KIF14: variants seen among roughly 807,000 people sequenced by gnomAD.
The protein encoded by KIF14 is kinesin family member 14, also known as kinesin-like protein KIF14.
A neutral mutation model predicts 176.2 loss-of-function variants in KIF14; 98 were observed. That is an observed-to-expected ratio of 0.56 (90% CI 0.47 to 0.66). The LOEUF (loss-of-function observed/expected upper bound fraction) is 0.66, where lower values mean the gene tolerates loss of function less well. Among genes scored for constraint, KIF14 ranks in the 30% least tolerant of loss-of-function variants. The pLI is 0.00. For missense variants in KIF14, 1,751 were observed against 1,920.4 expected (o/e 0.91, Z 1.65); for synonymous variants, 566 against 632.2 (o/e 0.90, Z 1.57).
chr1:200,612,879 CTCTT>C (rs1660223568), intron 4 of KIF14, among the ~76,000 whole-genome samples: 1 of 128,564 alleles, frequency 7.8e-6, no homozygotes, highest in Non-Finnish European at 1.6e-5. Flanking sequence ...CTAGTTTATT[CTCTT>C]TTTTTTTTTT....
intron 25 of KIF14, among the ~76,000 whole-genome samples, chr1:200,561,384 C>T (rs1404238813): frequency 6.6e-6 from 1 of 151,646 alleles, no homozygotes; most frequent in Non-Finnish European, 1.5e-5. Flanking sequence ...ACTAAAAACA[C>T]AAAAATTAGC....
At chr1:200,617,177 A>G (rs1370068344) in intron 2 of KIF14, among the ~76,000 whole-genome samples, 1 of 152,184 alleles carries the variant, frequency 6.6e-6, no homozygotes, top group African/African-American at 2.4e-5. Flanking sequence ...CATATTGGCC[A>G]GGCTGGTCTC....
At chr1:200,575,959 TA>T (rs1044035152) in intron 21 of KIF14, among the ~76,000 whole-genome samples, 1 of 152,088 alleles carries the variant, frequency 6.6e-6, no homozygotes, top group African/African-American at 2.4e-5. Context: ...ATAATAATAG[TA>T]AAAACATAAA....
rs746249895 is a variant in KIF14, at chr1:200,618,219, T to G, written c.505A>C (p.Asn169His). Residue 169 changes from asparagine (N) to histidine (H), a missense_variant, in exon 2 of 30, where the codon AAT (asparagine) becomes CAT (histidine). Asn to His is a moderately conservative substitution (Grantham distance 68). Coordinates refer to ENST00000367350, the MANE Select transcript of KIF14 (RefSeq NM_014875.3). The stretch of plus-strand genomic sequence containing the variant: ...GAGGCAACAAAAGAGTTTTTAGCAT[T>G]ATTTACAATCCTTACATTTGTTCTA... The part of the protein sequence containing the change: ...ESRTNVRIVN[N>H]AKNSFVASSV... 2.5e-6 allele frequency: 4 copies of G among 1,614,026 alleles called. No individual in the cohort carries two copies.
chr1:200,553,909 A>G, intron 29 of KIF14, 142 bp from the exon 30 acceptor site: 2 of 790,624 alleles, frequency 2.5e-6, no homozygotes, highest in Non-Finnish European at 3.9e-6. Context: ...TAGTCAACTA[A>G]AGTGTTTATT....
At chr1:200,572,909 AC>A (rs1657888294) in intron 22 of KIF14, among the ~76,000 whole-genome samples, 1 of 152,168 alleles carries the variant, frequency 6.6e-6, no homozygotes, top group African/African-American at 2.4e-5. Flanking sequence ...CCAAAGGCCA[AC>A]TCTGTCAAGT....
intron 22 of KIF14, among the ~76,000 whole-genome samples, chr1:200,571,612 A>G (rs1381437493): frequency 6.6e-6 from 1 of 152,210 alleles, no homozygotes; most frequent in East Asian, 1.9e-4. Flanking sequence ...GAAAAATACT[A>G]TTTGTCGAAA....
At position 200,589,219 on chromosome 1, in the gene KIF14, G is replaced by T; in HGVS notation, c.3112C>A (p.Gln1038Lys). ...RLEMETLATK[Q>K]ALEDHSIRHA... is the part of the protein sequence containing the mutation. ...AACTGGTTACACAATAAAATTACCT[G>T]TTTTGTAGCCAATGTTTCCATTTCT... is the stretch of plus-strand genomic sequence containing the variant. The change falls in exon 18 of 30, where the codon CAG (glutamine) becomes AAG (lysine). Residue 1038 changes from glutamine to lysine, a missense_variant and splice_region_variant. Physicochemically the swap from Gln to Lys is moderately conservative, Grantham distance 53. Transcript: ENST00000367350. 2 of 1,597,596 alleles carry T rather than the reference G, an allele frequency of 1.3e-6. No homozygotes were observed. The highest frequency in any genetic ancestry group is 1.7e-6 in the Non-Finnish European group (2 of 1,172,380).
intron 18 of KIF14, among the ~76,000 whole-genome samples, chr1:200,586,790 C>CCTATATATATATATATATAT (rs1658767988): frequency 7.8e-6 from 1 of 128,326 alleles, no homozygotes; most frequent in Admixed American, 7.7e-5. Context: ...TATATACATA[C>CCTATATATATATATATATAT]ATATATATAT....
chr1:200,555,830 T>G (rs1656803712), intron 27 of KIF14, among the ~76,000 whole-genome samples: 1 of 152,202 alleles, frequency 6.6e-6, no homozygotes, highest in African/African-American at 2.4e-5. Context: ...ATAATCAGTC[T>G]AATTCACCTG....
chr1:200,582,898 T>C (rs1571506946), intron 19 of KIF14, among the ~76,000 whole-genome samples: 1 of 152,180 alleles, frequency 6.6e-6, no homozygotes, highest in South Asian at 2.1e-4. Flanking sequence ...TTAAAAGTTA[T>C]TTTAAAGAAG....
At chr1:200,589,577 A>G (rs1658936906) in intron 17 of KIF14, among the ~76,000 whole-genome samples, 2 of 151,436 alleles carry the variant, frequency 1.3e-5, no homozygotes, top group African/African-American at 4.9e-5. Context: ...CCAATAAACC[A>G]TGGAGACAGC....
chr1:200,618,572 T>A lies in KIF14; in HGVS notation c.152A>T (p.Asp51Val). ...KSDMSECEND[D>V]PLLRSAGKVR... The stretch of plus-strand genomic sequence containing the variant: ...TTTACCTGCAGATCTCAATAATGGA[T>A]CATCATTTTCACATTCTGACATATC... Residue 51 changes from aspartate (D) to valine (V), a missense_variant, in exon 2 of 30, where the codon GAT becomes GTT. Physicochemically the swap from Asp to Val is radical, Grantham distance 152 (BLOSUM62 -3). Coordinates refer to ENST00000367350, the MANE Select transcript of KIF14 (RefSeq NM_014875.3). 1 of 1,614,132 alleles carries A rather than the reference T, an allele frequency of 6.2e-7. No homozygotes were observed. The highest frequency in any genetic ancestry group is 8.5e-7 in the Non-Finnish European group (1 of 1,179,990).
At chr1:200,590,918 C>T (rs1268488951) in intron 16 of KIF14, among the ~76,000 whole-genome samples, 1 of 151,782 alleles carries the variant, frequency 6.6e-6, no homozygotes, top group East Asian at 1.9e-4. Context: ...CTCACATGCT[C>T]GGGAGGCTAA....
chr1:200,612,881 C>CTTTTTTTTTTTTTTTTTTTTTTTTTTTTT, intron 4 of KIF14, among the ~76,000 whole-genome samples: 1 of 79,100 alleles, frequency 1.3e-5, no homozygotes, highest in Non-Finnish European at 2.4e-5. Flanking sequence ...AGTTTATTCT[C>CTTTTTTTTTTTTTTTTTTTTTTTTTTTTT]TTTTTTTTTT....
chr1:200,578,547 A>ATT (rs1658258009), intron 21 of KIF14, among the ~76,000 whole-genome samples: 1 of 152,126 alleles, frequency 6.6e-6, no homozygotes, highest in Non-Finnish European at 1.5e-5. Context: ...ACCATAATAA[A>ATT]TTCTATGTGA....
chr1:200,581,425 A>G, intron 19 of KIF14, 131 bp from the exon 20 acceptor site: 1 of 440,448 alleles, frequency 2.3e-6, no homozygotes, highest in Non-Finnish European at 4.1e-6. Flanking sequence ...TTGCAGAAGG[A>G]TAAGTGATAT....
chr1:200,573,098 T>G (rs1054189644), intron 22 of KIF14, among the ~76,000 whole-genome samples: 5 of 152,188 alleles, frequency 3.3e-5, no homozygotes, highest in Non-Finnish European at 7.3e-5. Context: ...ATGCACTATC[T>G]CTAATCCTCG....
chr1:200,602,017 C>T lies in KIF14; in HGVS notation c.2031G>A (p.Thr677=), dbSNP rs1182445086. 9.3e-6 allele frequency: 15 copies of T among 1,613,658 alleles called. No homozygotes were observed. The highest frequency in any genetic ancestry group is 2.7e-5 in the African/African-American group (2 of 74,908). Residue 677 remains threonine (T), a synonymous_variant, in exon 11 of 30, where the codon ACG becomes ACA. Coordinates refer to ENST00000367350, the MANE Select transcript of KIF14 (RefSeq NM_014875.3). ...GGNSKTAMIA[T]ISPAASNIEE... is the part of the protein sequence containing the mutation. ...CTATGTTGCTGGCAGCGGGACTAATCGTAGCAATCATTGCAGTTTTTGAAT... is the reference window on the plus strand; with the variant it reads ...CTATGTTGCTGGCAGCGGGACTAATTGTAGCAATCATTGCAGTTTTTGAAT...
Sources: gnomAD v4.1 joint callset for allele counts (sites outside exome capture counted in the v4.1 genomes callset) on GRCh38, gnomAD v4.1.1 for gene constraint, MANE v1.5 for transcripts, NCBI Gene and HGNC (gene_info 2026-07-23, HGNC 2026-07-21) for gene names.